EBF1: variants seen among roughly 807,000 people sequenced by gnomAD.
EBF1 encodes EBF transcription factor 1.
In EBF1, 10 loss-of-function variants were observed where a neutral mutation model predicts 68.4. The ratio of observed to expected loss-of-function variants is 0.15; its 90% CI spans 0.09 to 0.25. The LOEUF is 0.25. Among genes scored for constraint, EBF1 ranks in the 10% least tolerant of loss-of-function variants. EBF1 has a pLI of 1.00. For synonymous variants in EBF1, 298 were observed against 299.8 expected (o/e 0.99, Z 0.06); for missense variants, 509 against 794.4 (o/e 0.64, Z 4.32).
chr5:159,080,157 A>G (rs749550844), intron 5 of EBF1, among the ~76,000 whole-genome samples: 8 of 152,282 alleles, frequency 5.3e-5, no homozygotes, highest in Admixed American at 1.3e-4. Flanking sequence ...ACTCAGGACC[A>G]TCCACCTGCA....
Position 158,712,092 on chromosome 5 carries a change from G to T in EBF1, c.1549+62C>A, listed in dbSNP as rs113425772. The T allele has an allele frequency of 1.7e-3, 2,673 of 1,585,936 alleles. 41 individuals are homozygous for T. In the African/African-American group the frequency reaches 0.031, roughly 19 times the overall value. On this transcript the variant is annotated intron_variant, in intron 14 of 15. Coordinates refer to ENST00000313708, the MANE Select transcript of EBF1 (RefSeq NM_024007.5). Reference sequence around the variant, plus strand: ...AGAAGCCCTGCCCACTGGGCCACATGGCATGATGCCAAGTTCTTCTAGCGA... The same window carrying T: ...AGAAGCCCTGCCCACTGGGCCACATTGCATGATGCCAAGTTCTTCTAGCGA...
chr5:158,749,664 G>T (rs1768357821), intron 10 of EBF1, among the ~76,000 whole-genome samples: 1 of 152,076 alleles, frequency 6.6e-6, no homozygotes, highest in African/African-American at 2.4e-5. Context: ...TTAGGATTTG[G>T]GGAAAACAGG....
At chr5:158,825,236 A>G (rs568406502) in intron 7 of EBF1, among the ~76,000 whole-genome samples, 6 of 152,252 alleles carry the variant, frequency 3.9e-5, no homozygotes, top group East Asian at 1.9e-4. Flanking sequence ...TTCAAAAACT[A>G]TCATATGCAG....
intron 6 of EBF1, among the ~76,000 whole-genome samples, chr5:158,968,157 A>C (rs1754551987): frequency 6.6e-6 from 1 of 152,210 alleles, no homozygotes; most frequent in Non-Finnish European, 1.5e-5. Flanking sequence ...TTCCACTGAG[A>C]TCCCAGTCCA....
chr5:158,839,994 A>G (rs1789821024), intron 7 of EBF1, 35 bp downstream of exon 7: 1 of 1,583,608 alleles, frequency 6.3e-7, no homozygotes, highest in Admixed American at 1.7e-5. Flanking sequence ...TATTCATGCC[A>G]TTATTGAGAT....
At chr5:158,784,945 G>A (rs994591731) in intron 9 of EBF1, among the ~76,000 whole-genome samples, 1 of 152,118 alleles carries the variant, frequency 6.6e-6, no homozygotes, top group Non-Finnish European at 1.5e-5. Context: ...GTGCTCTGTG[G>A]AGGTGCTGAT....
At chr5:158,897,954 G>A (rs1802489905) in intron 6 of EBF1, among the ~76,000 whole-genome samples, 1 of 152,126 alleles carries the variant, frequency 6.6e-6, no homozygotes, top group Non-Finnish European at 1.5e-5. Flanking sequence ...AAGGGTACTG[G>A]GCGAGGCATC....
rs547809828 is a variant in EBF1, at chr5:159,066,451, A to C, written c.554+6945T>G. 8.8e-4 allele frequency among the ~76,000 whole-genome samples: 134 copies of C among 152,302 alleles called. 3 individuals are homozygous for C. In the South Asian group the frequency reaches 0.027, roughly 31 times the overall value. On this transcript the variant is annotated intron_variant, in intron 6 of 15. Coordinates refer to ENST00000313708, the MANE Select transcript of EBF1 (RefSeq NM_024007.5). ...GCACACAGAAGACCACTCTGTTCCC[A>C]CCGAAAGTGGAGTACACATTTCATA...
intron 6 of EBF1, among the ~76,000 whole-genome samples, chr5:159,058,873 A>G (rs758893933): frequency 1.3e-5 from 2 of 152,132 alleles, no homozygotes; most frequent in African/African-American, 2.4e-5. Context: ...CACCCTCCAA[A>G]CAGTTCCAAG....
rs780679918 is a variant in EBF1 at position 159,096,329 on chromosome 5, G to C, written c.355+14C>G. The C allele has an allele frequency of 9.9e-6, 16 of 1,611,976 alleles. No individual in the cohort carries two copies. The highest frequency in any genetic ancestry group is 1.2e-5 in the Non-Finnish European group (14 of 1,179,276). On this transcript the variant is annotated intron_variant, in intron 3 of 15. Coordinates refer to ENST00000313708, the MANE Select transcript of EBF1 (RefSeq NM_024007.5). ...AGCCCCAGGGTGAGGCCATAGACCC[G>C]ACCCGGGCCTCACCATTGCTGTAGA...
At chr5:158,853,897 A>G (rs1793468517) in intron 6 of EBF1, among the ~76,000 whole-genome samples, 1 of 152,228 alleles carries the variant, frequency 6.6e-6, no homozygotes, top group Non-Finnish European at 1.5e-5. Context: ...AGGAAGGTCA[A>G]TCAATGAGTG....
chr5:158,821,386 T>C (rs1044570537), intron 8 of EBF1, among the ~76,000 whole-genome samples: 1 of 152,324 alleles, frequency 6.6e-6, no homozygotes, highest in African/African-American at 2.4e-5. Context: ...TGTTTGCTTT[T>C]GGTTTTTGTT....
At chr5:158,909,956 TA>T (rs59274919) in intron 6 of EBF1, among the ~76,000 whole-genome samples, 2,971 of 46,100 alleles carry the variant, frequency 0.064, 27 homozygotes, top group East Asian at 0.11. Flanking sequence ...ACTCTGTCTA[TA>T]AAAAAAAAAA....
At chr5:159,065,866 AC>A (rs771504929) in intron 6 of EBF1, among the ~76,000 whole-genome samples, 7 of 152,186 alleles carry the variant, frequency 4.6e-5, no homozygotes, top group Non-Finnish European at 1.0e-4. Flanking sequence ...ACTGGCATTT[AC>A]TTTTAATCTA....
In EBF1 at chr5:158,697,547, C is replaced by T. The variant is rs970781823; in HGVS notation, c.*1564G>A. ...AGAAGGGAAAAGCAATGTACAAATT[C>T]GAAAGATAAATACATTATTTATATG... is the stretch of plus-strand genomic sequence containing the variant. On this transcript the variant is annotated 3_prime_UTR_variant, in exon 16 of 16. Coordinates refer to ENST00000313708, the MANE Select transcript of EBF1 (RefSeq NM_024007.5). 12 of 206,302 alleles carry T rather than the reference C, an allele frequency of 5.8e-5. No homozygotes were observed. The highest frequency in any genetic ancestry group is 1.1e-4 in the African/African-American group (5 of 43,760). The allele number at this position is 206,302 out of a possible 1,614,324, so 12.8% of individuals were successfully genotyped here. A position where few individuals can be genotyped will look rare whatever the true frequency, so the allele number is the denominator to read the frequency against.
intron 6 of EBF1, among the ~76,000 whole-genome samples, chr5:158,854,793 G>A (rs1200314332): frequency 6.6e-6 from 1 of 152,108 alleles, no homozygotes; most frequent in Non-Finnish European, 1.5e-5. Flanking sequence ...CATTTAATGG[G>A]AGGACCCTTG....
Position 158,714,096 on chromosome 5 carries a change from C to A in EBF1, c.1191+21G>T, listed in dbSNP as rs1178401748. The A allele has an allele frequency of 3.1e-6, 5 of 1,613,524 alleles. No homozygotes were observed. The Admixed American group carries it at 5.0e-5, about 16-fold the overall frequency. On this transcript the variant is annotated intron_variant, in intron 12 of 15. Transcript: ENST00000313708. ...AATTGCATGTGGCAGTCCACACAGG[C>A]TAGACACCCACAGCGCTCACCTGGT...
At chr5:158,881,400 T>C (rs1195238195) in intron 6 of EBF1, among the ~76,000 whole-genome samples, 2 of 152,198 alleles carry the variant, frequency 1.3e-5, no homozygotes, top group Non-Finnish European at 1.5e-5. Context: ...AGTTCTCTTT[T>C]TTAGCAACGC....
chr5:158,798,434 T>C (rs1779972301), intron 8 of EBF1, among the ~76,000 whole-genome samples: 1 of 152,160 alleles, frequency 6.6e-6, no homozygotes, highest in South Asian at 2.1e-4. Flanking sequence ...ACACACATAT[T>C]TCTTTAGCTA....
Sources: gnomAD v4.1 joint callset for allele counts (sites outside exome capture counted in the v4.1 genomes callset) on GRCh38, gnomAD v4.1.1 for gene constraint, MANE v1.5 for transcripts, NCBI Gene and HGNC (gene_info 2026-07-23, HGNC 2026-07-21) for gene names.